The following DOCK2 variants were observed in gnomAD, a reference collection of about 807,000 sequenced individuals.
The protein encoded by DOCK2 is dedicator of cytokinesis 2.
Under a neutral mutation model 248.9 loss-of-function variants are expected in DOCK2, and 87 were observed. The observed-to-expected ratio is 0.35, with a 90% CI of 0.29 to 0.42. The LOEUF (loss-of-function observed/expected upper bound fraction) is 0.42. DOCK2 is among the 10% of genes least tolerant of loss of function. The probability of loss-of-function intolerance (pLI) is 1.00; values close to 1 mark genes in which losing one functional copy is unlikely to be tolerated. For missense variants in DOCK2, 1,747 were observed against 2,300.2 expected, an observed-to-expected ratio of 0.76 and a Z score of 4.92; for synonymous variants, 805 against 821.6, an observed-to-expected ratio of 0.98 and a Z score of 0.35.
chr5:169,755,604 C>G (rs571921426), intron 23 of DOCK2, among the ~76,000 whole-genome samples: 1 of 152,102 alleles, frequency 6.6e-6, no homozygotes, highest in South Asian at 2.1e-4. Flanking sequence ...ACTAGCCGGG[C>G]GTGGTGGCGG....
chr5:169,914,795 A>G (rs892519481), intron 27 of DOCK2, among the ~76,000 whole-genome samples: 1 of 152,184 alleles, frequency 6.6e-6, no homozygotes, highest in African/African-American at 2.4e-5. Context: ...ATGCCCAGCC[A>G]GCTACACTCA....
intron 26 of DOCK2, among the ~76,000 whole-genome samples, chr5:169,830,367 G>T (rs1238197024): frequency 6.6e-6 from 1 of 152,042 alleles, no homozygotes; most frequent in Non-Finnish European, 1.5e-5. Flanking sequence ...CTTAAAATGG[G>T]GTAATACTTA....
chr5:170,076,246 G>A (rs1242497781), intron 47 of DOCK2, among the ~76,000 whole-genome samples, 162 bp downstream of exon 47: 2 of 152,128 alleles, frequency 1.3e-5, no homozygotes, highest in African/African-American at 2.4e-5. Flanking sequence ...GAACCCTCCT[G>A]GAAACTTGGT....
intron 2 of DOCK2, 142 bp from the exon 3 acceptor site, chr5:169,669,146 T>G: frequency 6.9e-6 from 6 of 863,468 alleles, no homozygotes; most frequent in Non-Finnish European, 1.1e-5. Flanking sequence ...GACTATGAGC[T>G]TCCAGAGTTT....
At chr5:169,981,766 GT>G (rs1430071254) in intron 27 of DOCK2, among the ~76,000 whole-genome samples, 2 of 151,954 alleles carry the variant, frequency 1.3e-5, no homozygotes, top group Admixed American at 6.6e-5. Context: ...GATCATTAGA[GT>G]TTTTTAGCAA....
At chr5:170,078,553 C>T (rs1448635917) in intron 48 of DOCK2, among the ~76,000 whole-genome samples, 3 of 152,182 alleles carry the variant, frequency 2.0e-5, no homozygotes, top group Admixed American at 6.5e-5. Context: ...CATCTCATGG[C>T]CACTCTGCAA....
At chr5:169,874,447 G>T (rs1157917308) in intron 27 of DOCK2, among the ~76,000 whole-genome samples, 1 of 149,100 alleles carries the variant, frequency 6.7e-6, no homozygotes, top group African/African-American at 2.5e-5. Flanking sequence ...TTGGTGGTCT[G>T]TGGAGTTTGA....
At chr5:170,001,133 A>T (rs1485346961) in intron 30 of DOCK2, among the ~76,000 whole-genome samples, 1 of 152,120 alleles carries the variant, frequency 6.6e-6, no homozygotes, top group East Asian at 1.9e-4. Context: ...ACCTGAGTCC[A>T]CACCTGGGAC....
chr5:169,939,728 T>C (rs891712727), intron 27 of DOCK2, among the ~76,000 whole-genome samples: 3 of 152,202 alleles, frequency 2.0e-5, no homozygotes, highest in African/African-American at 7.2e-5. Context: ...TATGTTTTCA[T>C]ATAAAATTAA....
At chr5:170,020,982 A>G (rs1362224812) in intron 33 of DOCK2, among the ~76,000 whole-genome samples, 1 of 152,238 alleles carries the variant, frequency 6.6e-6, no homozygotes, top group East Asian at 1.9e-4. Context: ...TGTGCAAGAA[A>G]CATCTATTGG....
At chr5:169,984,796 T>G (rs1036382938) in intron 28 of DOCK2, among the ~76,000 whole-genome samples, 9 of 152,196 alleles carry the variant, frequency 5.9e-5, no homozygotes, top group African/African-American at 1.9e-4. Context: ...AGGAAACAAC[T>G]CTGAACGGAT....
chr5:169,806,100 A>G (rs1767336651), intron 26 of DOCK2, among the ~76,000 whole-genome samples: 1 of 151,988 alleles, frequency 6.6e-6, no homozygotes, highest in Non-Finnish European at 1.5e-5. Context: ...TTCAGTAGCC[A>G]TGATTACTTT....
At chr5:169,775,052 G>T (rs899664724) in intron 25 of DOCK2, among the ~76,000 whole-genome samples, 2 of 152,150 alleles carry the variant, frequency 1.3e-5, no homozygotes, top group Non-Finnish European at 2.9e-5. Flanking sequence ...GGGATAACAG[G>T]CATGAGCCAC....
chr5:169,880,412 TC>T (rs1464536769), intron 27 of DOCK2, among the ~76,000 whole-genome samples: 1 of 152,166 alleles, frequency 6.6e-6, no homozygotes, highest in Non-Finnish European at 1.5e-5. Context: ...CCAATTAGGC[TC>T]CAGTTTGCTC....
At chr5:169,932,983 A>G (rs942948950) in intron 27 of DOCK2, among the ~76,000 whole-genome samples, 2 of 151,686 alleles carry the variant, frequency 1.3e-5, no homozygotes, top group African/African-American at 4.9e-5. Context: ...TTCTTAGCAC[A>G]CTCTGCCTCT....
At chr5:169,995,041 T>A (rs954551896) in intron 29 of DOCK2, among the ~76,000 whole-genome samples, 8 of 151,496 alleles carry the variant, frequency 5.3e-5, no homozygotes, top group East Asian at 1.9e-4. Context: ...TTTTTTTTTT[T>A]TTTTTTTGAG....
chr5:169,784,138 T>C (rs55890335), intron 25 of DOCK2, among the ~76,000 whole-genome samples: 27,763 of 148,490 alleles, frequency 0.19, 4,596 homozygotes, highest in African/African-American at 0.45. Context: ...TTTTTTTTTT[T>C]CTCAACACAA....
At chr5:169,857,609 C>G (rs367897994) in intron 27 of DOCK2, among the ~76,000 whole-genome samples, 1 of 152,020 alleles carries the variant, frequency 6.6e-6, no homozygotes, top group Non-Finnish European at 1.5e-5. Flanking sequence ...GTGGCAGACC[C>G]TAATTTCTAT....
At chr5:170,031,299 G>GA in intron 34 of DOCK2, among the ~76,000 whole-genome samples, 1 of 152,284 alleles carries the variant, frequency 6.6e-6, no homozygotes, top group South Asian at 2.1e-4. Context: ...TTCAAGGAAT[G>GA]AAAGAAAGTC....
Sources: allele counts gnomAD v4.1 joint callset (sites outside exome capture counted in the v4.1 genomes callset), GRCh38; gene constraint gnomAD v4.1.1; transcripts MANE v1.5; gene names NCBI Gene and HGNC (gene_info 2026-07-23, HGNC 2026-07-21).